GRXCR1: variants seen among roughly 807,000 people sequenced by gnomAD.
The protein encoded by GRXCR1 is glutaredoxin domain-containing cysteine-rich protein 1.
A neutral mutation model predicts 27.3 loss-of-function variants in GRXCR1; 27 were observed. The observed-to-expected ratio is 0.99, with a 90% CI of 0.73 to 1.37. The LOEUF (loss-of-function observed/expected upper bound fraction) is 1.37. Among genes scored for constraint, GRXCR1 ranks in the 40% most tolerant of loss-of-function variants. The pLI, the probability that GRXCR1 is intolerant of heterozygous loss-of-function variation, is 0.00. For missense variants in GRXCR1, 379 were observed against 354.4 expected, an observed-to-expected ratio of 1.07 and a Z score of -0.56; for synonymous variants, 122 against 131.1, an observed-to-expected ratio of 0.93 and a Z score of 0.47.
rs140267275 is a variant in GRXCR1, at chr4:42,988,298, A to G, written c.627+25164A>G. On this transcript the variant is annotated intron_variant, in intron 2 of 3. Coordinates refer to ENST00000399770, the MANE Select transcript of GRXCR1 (RefSeq NM_001080476.3). ...AATAAATCAATTTTCTTCTGTCACC[A>G]TCTGAGAGCACTGATGCAGAGTGAC... Among the ~76,000 whole-genome samples, 99 of 152,322 alleles carry G rather than the reference A, an allele frequency of 6.5e-4. 1 individual carries two copies. The highest frequency in any genetic ancestry group is 2.2e-3 in the African/African-American group (93 of 41,580).
At chr4:42,950,118 T>C (rs985709148) in intron 1 of GRXCR1, among the ~76,000 whole-genome samples, 1 of 152,138 alleles carries the variant, frequency 6.6e-6, no homozygotes, top group African/African-American at 2.4e-5. Context: ...AGATATAATA[T>C]ATAAAATACA....
At chr4:42,933,392 G>A (rs1054182052) in intron 1 of GRXCR1, among the ~76,000 whole-genome samples, 3 of 151,900 alleles carry the variant, frequency 2.0e-5, no homozygotes, top group Admixed American at 1.3e-4. Flanking sequence ...AGCTGCCTGG[G>A]TCTGTTAGAG....
At chr4:43,007,290 G>C (rs889514850) in intron 2 of GRXCR1, among the ~76,000 whole-genome samples, 6 of 152,110 alleles carry the variant, frequency 3.9e-5, no homozygotes, top group African/African-American at 1.4e-4. Context: ...GCTTGTTCTA[G>C]GAGCTAGAAG....
chr4:42,952,134 A>G (rs1015934444), intron 1 of GRXCR1, among the ~76,000 whole-genome samples: 2 of 152,176 alleles, frequency 1.3e-5, no homozygotes, highest in African/African-American at 4.8e-5. Context: ...ATGCTTATAT[A>G]TGCTTGACTC....
intron 2 of GRXCR1, among the ~76,000 whole-genome samples, chr4:42,982,101 T>C (rs1259185126): frequency 6.6e-6 from 1 of 151,612 alleles, no homozygotes; most frequent in Non-Finnish European, 1.5e-5. Flanking sequence ...CATGTGCACA[T>C]TGTGCAAGTT....
At chr4:42,956,751 G>C (rs1748013527) in intron 1 of GRXCR1, among the ~76,000 whole-genome samples, 2 of 152,070 alleles carry the variant, frequency 1.3e-5, no homozygotes, top group Admixed American at 1.3e-4. Flanking sequence ...TGGGGGAACT[G>C]TTTGTTTAGA....
intron 1 of GRXCR1, among the ~76,000 whole-genome samples, chr4:42,894,290 T>C (rs890809056): frequency 6.6e-6 from 1 of 152,146 alleles, no homozygotes; most frequent in African/African-American, 2.4e-5. Context: ...ATTTATTACT[T>C]TAAATGTGAT....
At chr4:42,940,995 G>A (rs192601975) in intron 1 of GRXCR1, among the ~76,000 whole-genome samples, 2,684 of 152,098 alleles carry the variant, frequency 0.018, 49 homozygotes, top group African/African-American at 0.048. Context: ...GATTAAGCCT[G>A]ATTTGCTCTA....
intron 2 of GRXCR1, among the ~76,000 whole-genome samples, chr4:42,987,258 TATAATATATATATATATATAGAG>T (rs1560676976): frequency 0.018 from 1,463 of 83,296 alleles, 24 homozygotes; most frequent in African/African-American, 0.045. Context: ...AATATATATA[TATAATATATATATATATATAGAG>T]AGAGAGAGAG....
intron 1 of GRXCR1, among the ~76,000 whole-genome samples, chr4:42,894,479 C>A (rs889393310): frequency 3.9e-5 from 6 of 151,930 alleles, no homozygotes; most frequent in Non-Finnish European, 5.9e-5. Context: ...CAATATTTTT[C>A]ATTGTAATTC....
chr4:42,997,626 C>T (rs1387249205), intron 2 of GRXCR1, among the ~76,000 whole-genome samples: 6 of 152,252 alleles, frequency 3.9e-5, no homozygotes, highest in African/African-American at 1.4e-4. Context: ...AGTCACCTCC[C>T]CTATGGGACT....
chr4:43,004,930 G>T (rs1007691075), intron 2 of GRXCR1, among the ~76,000 whole-genome samples: 3 of 152,122 alleles, frequency 2.0e-5, no homozygotes, highest in Admixed American at 6.5e-5. Context: ...AATGTGAGAA[G>T]GACATGAGAT....
chr4:42,972,805 A>G (rs1479598502), intron 2 of GRXCR1, among the ~76,000 whole-genome samples: 4 of 152,168 alleles, frequency 2.6e-5, no homozygotes, highest in Non-Finnish European at 5.9e-5. Flanking sequence ...TTGAGCTTTT[A>G]AAAGTTGAGG....
At chr4:42,928,490 G>A (rs1747223301) in intron 1 of GRXCR1, among the ~76,000 whole-genome samples, 1 of 151,952 alleles carries the variant, frequency 6.6e-6, no homozygotes, top group Non-Finnish European at 1.5e-5. Context: ...TTTTATATGA[G>A]TAATTGCGTT....
At chr4:42,937,355 C>T (rs1206344042) in intron 1 of GRXCR1, among the ~76,000 whole-genome samples, 1 of 151,014 alleles carries the variant, frequency 6.6e-6, no homozygotes, top group African/African-American at 2.4e-5. Context: ...TTTTTTCTGC[C>T]CCAGTGCTAT....
chr4:42,904,644 T>C (rs1237508946), intron 1 of GRXCR1, among the ~76,000 whole-genome samples: 1 of 152,200 alleles, frequency 6.6e-6, no homozygotes, highest in Non-Finnish European at 1.5e-5. Flanking sequence ...GAATGAGTTA[T>C]TGTGTATAAA....
At chr4:43,003,979 G>A (rs536697936) in intron 2 of GRXCR1, among the ~76,000 whole-genome samples, 13 of 152,356 alleles carry the variant, frequency 8.5e-5, no homozygotes, top group African/African-American at 3.1e-4. Context: ...AATGTATTGA[G>A]GGCATGCCAG....
chr4:42,898,919 T>C (rs979041999), intron 1 of GRXCR1, among the ~76,000 whole-genome samples: 2 of 152,188 alleles, frequency 1.3e-5, no homozygotes, highest in South Asian at 2.1e-4. Context: ...TGCGAGAAAC[T>C]ACACTAAGAG....
intron 2 of GRXCR1, among the ~76,000 whole-genome samples, chr4:42,986,640 A>G (rs1711733246): frequency 6.6e-6 from 1 of 152,200 alleles, no homozygotes; most frequent in Non-Finnish European, 1.5e-5. Flanking sequence ...TACTCCACGT[A>G]TGGTTTCTCT....
Sources: allele counts gnomAD v4.1 joint callset (sites outside exome capture counted in the v4.1 genomes callset), GRCh38; gene constraint gnomAD v4.1.1; transcripts MANE v1.5; gene names NCBI Gene and HGNC (gene_info 2026-07-23, HGNC 2026-07-21).